LRP6: variants seen among roughly 807,000 people sequenced by gnomAD.
LRP6 encodes the protein low-density lipoprotein receptor-related protein 6.
Under a neutral mutation model 184.1 loss-of-function variants are expected in LRP6, and 43 were observed. The observed-to-expected ratio is 0.23, with a 90% CI of 0.18 to 0.30. The LOEUF is 0.30. Ranked by LOEUF, LRP6 falls within the 10% of genes least tolerant of loss-of-function variation. LRP6 has a pLI of 1.00. For synonymous variants in LRP6, 719 were observed against 684.9 expected, an observed-to-expected ratio of 1.05 and a Z score of -0.78; for missense variants, 1,571 against 2,005.3, an observed-to-expected ratio of 0.78 and a Z score of 4.14.
rs1444193084 is a variant in LRP6, at chr12:12,116,126, TA to T, written c.*4999del. The T allele has an allele frequency of 1.3e-5, 2 of 152,254 alleles. No individual in the cohort carries two copies. The highest frequency in any genetic ancestry group is 2.4e-5 in the African/African-American group (1 of 41,468). The allele number at this position is 152,254 out of a possible 1,614,324, so 9.4% of individuals were successfully genotyped here. ...AAAAGGGGTTTATACAAGGTATTTT[TA>T]TACAGTTTATAATTAAAGCACTTAT... On this transcript the variant is annotated 3_prime_UTR_variant, in exon 23 of 23. Transcript: ENST00000261349.
chr12:12,184,114 G>A lies in LRP6; in HGVS notation c.845-3C>T. On this transcript the variant is annotated splice_region_variant and splice_polypyrimidine_tract_variant and intron_variant, in intron 4 of 22. Transcript: ENST00000261349. ...GTCAATTCCACATGGATTTGTGGCTGTCAAATATAAATCACATTGATTAAT... is the reference window on the plus strand; with the variant it reads ...GTCAATTCCACATGGATTTGTGGCTATCAAATATAAATCACATTGATTAAT... 1 of 1,612,556 alleles carries A rather than the reference G, an allele frequency of 6.2e-7. No homozygotes were observed.
At chr12:12,155,366 G>A (rs1467607026) in intron 12 of LRP6, 1 of 772,428 alleles carries the variant, frequency 1.3e-6, no homozygotes, top group Non-Finnish European at 2.3e-6. Context: ...AAATCTGTAA[G>A]AAAGGTGATA....
chr12:12,222,118 C>T (rs954108231), intron 2 of LRP6, among the ~76,000 whole-genome samples: 1 of 152,106 alleles, frequency 6.6e-6, no homozygotes, highest in Admixed American at 6.6e-5. Flanking sequence ...GAAAAGTTCA[C>T]AAGTACTGCT....
intron 1 of LRP6, among the ~76,000 whole-genome samples, chr12:12,251,311 AT>A (rs947099362): frequency 4.6e-5 from 7 of 152,008 alleles, no homozygotes; most frequent in Non-Finnish European, 8.8e-5. Context: ...GTAAAACTAG[AT>A]TTTAGTTTTC....
intron 3 of LRP6, among the ~76,000 whole-genome samples, chr12:12,199,113 G>A (rs1261811903): frequency 6.6e-6 from 1 of 151,862 alleles, no homozygotes; most frequent in African/African-American, 2.4e-5. Flanking sequence ...GCAAAGAATG[G>A]GCTATTTAAG....
At chr12:12,180,796 C>T (rs918269317) in intron 6 of LRP6, among the ~76,000 whole-genome samples, 4 of 152,082 alleles carry the variant, frequency 2.6e-5, no homozygotes, top group African/African-American at 4.8e-5. Flanking sequence ...AATCTGCAGA[C>T]AACACCCAAA....
chr12:12,209,806 A>G (rs1037900296), intron 2 of LRP6, among the ~76,000 whole-genome samples: 2 of 152,196 alleles, frequency 1.3e-5, no homozygotes, highest in African/African-American at 4.8e-5. Context: ...TAAGCAAGGC[A>G]AAACTATTGC....
At chr12:12,134,971 C>T (rs1386156208) in intron 17 of LRP6, among the ~76,000 whole-genome samples, 1 of 151,982 alleles carries the variant, frequency 6.6e-6, no homozygotes, top group Admixed American at 6.6e-5. Flanking sequence ...GTCAAAGAAA[C>T]AGAGTAAAAT....
At chr12:12,200,472 T>C (rs1192934534) in intron 3 of LRP6, among the ~76,000 whole-genome samples, 1 of 152,198 alleles carries the variant, frequency 6.6e-6, no homozygotes, top group East Asian at 1.9e-4. Context: ...TCACTGGTAC[T>C]GCCACCATCT....
chr12:12,185,878 CT>C, intron 4 of LRP6, among the ~76,000 whole-genome samples: 1 of 126,778 alleles, frequency 7.9e-6, no homozygotes, highest in South Asian at 2.7e-4. Context: ...TAATTTCTTT[CT>C]TGTTGCCCAG....
At position 12,149,160 on chromosome 12, in the gene LRP6, A is replaced by C. The variant is rs768030946; in HGVS notation, c.2995-7T>G. ...TCACAACCACAGTAAAGCCCTAGGG[A>C]AAAAAAGAAATACAGAGAAAATTAA... On this transcript the variant is annotated splice_polypyrimidine_tract_variant and splice_region_variant and intron_variant, in intron 13 of 22. Coordinates refer to ENST00000261349, the MANE Select transcript of LRP6 (RefSeq NM_002336.3). The C allele has an allele frequency of 6.2e-7, 1 of 1,607,806 alleles. No homozygotes were observed. Among genetic ancestry groups the C allele is most frequent in the African/African-American group, 1.3e-5 (1 of 74,882 alleles).
At chr12:12,227,031 T>A (rs967110749) in intron 2 of LRP6, among the ~76,000 whole-genome samples, 4 of 151,818 alleles carry the variant, frequency 2.6e-5, no homozygotes, top group African/African-American at 9.7e-5. Flanking sequence ...AAAAAATAAA[T>A]AAATCTTAAG....
rs1443961427 is a variant in LRP6, at chr12:12,172,321, T to C, written c.1546-7026A>G. Among the ~76,000 whole-genome samples, 4 of 152,230 alleles carry C rather than the reference T, an allele frequency of 2.6e-5. No individual in the cohort carries two copies. The East Asian group carries it at 7.7e-4, about 29-fold the overall frequency. ...TAGACGTGGGTTAACCATAACATTA[T>C]CTGCACAAAGAAGAAGTAATGGCAA... is the stretch of plus-strand genomic sequence containing the variant. On this transcript the variant is annotated intron_variant, in intron 7 of 22. Coordinates refer to ENST00000261349, the MANE Select transcript of LRP6 (RefSeq NM_002336.3).
intron 7 of LRP6, among the ~76,000 whole-genome samples, chr12:12,166,118 G>C (rs553990067): frequency 6.6e-6 from 1 of 151,898 alleles, no homozygotes; most frequent in Non-Finnish European, 1.5e-5. Context: ...TTTTTGGGGG[G>C]GTAGGAGCAG....
At chr12:12,232,563 C>A (rs1864818941) in intron 2 of LRP6, among the ~76,000 whole-genome samples, 1 of 136,650 alleles carries the variant, frequency 7.3e-6, no homozygotes, top group Admixed American at 7.9e-5. Flanking sequence ...AACATTTAAC[C>A]TTAAGCAAGA....
At chr12:12,126,639 G>A in intron 20 of LRP6, 52 bp downstream of exon 20, 3 of 1,347,658 alleles carry the variant, frequency 2.2e-6, no homozygotes, top group Non-Finnish European at 3.2e-6. Flanking sequence ...ATGGAAACTG[G>A]CAGTCTTGCA....
Position 12,126,801 on chromosome 12 carries a change from C to G in LRP6, c.4202G>C (p.Arg1401Pro). ...YFICQRMLCPRMKGDGETMTN... is the reference protein window; with the variant it reads ...YFICQRMLCPPMKGDGETMTN... The stretch of plus-strand genomic sequence containing the variant: ...CATAGTTTCCCCATCTCCCTTCATA[C>G]GTGGACACAACATCCTCTGGCAGAT... Residue 1401 changes from arginine (R) to proline (P), a missense_variant, in exon 20 of 23, where the codon CGT becomes CCT. By Grantham distance (103) the Arg-to-Pro change is moderately radical (BLOSUM62 -2). Around this residue, in one of 4 missense-constraint regions of LRP6, gnomAD observed 763 missense variants for 859.5 expected, o/e 0.89. Coordinates refer to ENST00000261349, the MANE Select transcript of LRP6 (RefSeq NM_002336.3). 1 of 1,614,040 alleles carries G rather than the reference C, an allele frequency of 6.2e-7. No homozygotes were observed. The highest frequency in any genetic ancestry group is 1.7e-5 in the Admixed American group (1 of 60,024).
intron 2 of LRP6, among the ~76,000 whole-genome samples, chr12:12,221,624 T>C (rs1192730349): frequency 6.6e-6 from 1 of 152,212 alleles, no homozygotes; most frequent in African/African-American, 2.4e-5. Flanking sequence ...CAGGAATCAA[T>C]ATTTTTTTAA....
intron 7 of LRP6, among the ~76,000 whole-genome samples, chr12:12,179,391 T>C (rs1454360968): frequency 2.1e-5 from 3 of 145,400 alleles, no homozygotes; most frequent in Non-Finnish European, 3.1e-5. Flanking sequence ...GATATAGATA[T>C]AGATATAGAT....
Sources: allele counts gnomAD v4.1 joint callset (sites outside exome capture counted in the v4.1 genomes callset), GRCh38; gene constraint gnomAD v4.1.1; regional missense constraint gnomAD v4.1.1; transcripts MANE v1.5; gene names NCBI Gene and HGNC (gene_info 2026-07-23, HGNC 2026-07-21).